Variants in SNIP1 observed in about 807,000 individuals in gnomAD.
The protein encoded by SNIP1 is smad nuclear-interacting protein 1.
Under a neutral mutation model 37.4 loss-of-function variants are expected in SNIP1, and 23 were observed. The ratio of observed to expected loss-of-function variants is 0.61; its 90% CI spans 0.44 to 0.87. SNIP1 has a LOEUF of 0.87. SNIP1 is among the 40% of genes least tolerant of loss of function. The probability of loss-of-function intolerance (pLI) is 0.00; values close to 1 mark genes in which losing one functional copy is unlikely to be tolerated. For missense variants in SNIP1, 459 were observed against 540.4 expected, an observed-to-expected ratio of 0.85 and a Z score of 1.49; for synonymous variants, 174 against 200.0, an observed-to-expected ratio of 0.87 and a Z score of 1.10.
chr1:37,545,124 A>G, intron 2 of SNIP1: 1 of 739,990 alleles, frequency 1.4e-6, no homozygotes, highest in Non-Finnish European at 2.5e-6. Context: ...GCCACCGACA[A>G]AATTACCCCC....
chr1:37,539,573 G>A (rs866662203), intron 3 of SNIP1, among the ~76,000 whole-genome samples: 29 of 152,196 alleles, frequency 1.9e-4, no homozygotes, highest in African/African-American at 6.8e-4. Context: ...AGCTGGGTGT[G>A]CTGGTGTGTG....
At position 37,540,268 on chromosome 1, in the gene SNIP1, A is replaced by C. The variant is rs748921035; in HGVS notation, c.815T>G (p.Val272Gly). 6.2e-7 allele frequency: 1 copy of C among 1,614,184 alleles called. No individual in the cohort carries two copies. Among genetic ancestry groups the C allele is most frequent in the Middle Eastern group, 1.6e-4 (1 of 6,062 alleles). The stretch of plus-strand genomic sequence containing the variant: ...CGCACTCTGTCGATGTATGTACATG[A>C]CTGGAAGCACCTCATCATTTTTAAA... ...YPFKNDEVLP[V>G]MYIHRQSAYL... The change falls in exon 3 of 4, where the codon GTC becomes GGC. Residue 272 changes from valine (V) to glycine (G), a missense_variant. Val to Gly is a moderately radical substitution (Grantham distance 109). Coordinates refer to ENST00000296215, the MANE Select transcript of SNIP1 (RefSeq NM_024700.4). This position sits in a 1 kb window ranked among gnomAD's most constrained non-coding sequence, Gnocchi z 5.6.
chr1:37,538,038 T>G (rs1234544573), intron 3 of SNIP1, 26 bp from the exon 4 acceptor site: 7 of 1,560,286 alleles, frequency 4.5e-6, no homozygotes, highest in African/African-American at 1.4e-5. Flanking sequence ...GAGAAACCTG[T>G]GAGCAAACTT....
rs570133883 is a variant in SNIP1, at chr1:37,534,693, A to G, written c.*3055T>C. ...TGCACTTAATGAGTCATCCTTTGTC[A>G]ATATTAGAATGAGGGAACCAGGATA... On this transcript the variant is annotated 3_prime_UTR_variant, in exon 4 of 4. Coordinates refer to ENST00000296215, the MANE Select transcript of SNIP1 (RefSeq NM_024700.4). The G allele has an allele frequency of 2.0e-5, 3 of 152,316 alleles. No individual in the cohort carries two copies. In the South Asian group the frequency reaches 6.2e-4, roughly 32 times the overall value. The allele number at this position is 152,316 out of a possible 1,614,324, so 9.4% of individuals were successfully genotyped here.
intron 2 of SNIP1, among the ~76,000 whole-genome samples, chr1:37,542,270 C>G (rs1643183839): frequency 2.0e-5 from 3 of 152,318 alleles, no homozygotes; most frequent in Admixed American, 2.0e-4. Context: ...GATTCACGTT[C>G]CTGGTGGGAC....
At chr1:37,547,588 G>T (rs1040248380) in intron 2 of SNIP1, among the ~76,000 whole-genome samples, 20 of 151,406 alleles carry the variant, frequency 1.3e-4, no homozygotes, top group Non-Finnish European at 2.8e-4. Context: ...ACAAAAATTA[G>T]CCGGGCATGG....
intron 2 of SNIP1, chr1:37,545,217 C>T (rs989285776): frequency 4.4e-6 from 3 of 674,180 alleles, no homozygotes; most frequent in Non-Finnish European, 8.3e-6. Flanking sequence ...GACCAACTTG[C>T]GCAAGATGAG....
intron 2 of SNIP1, among the ~76,000 whole-genome samples, chr1:37,551,789 G>A (rs6426023): frequency 0.4 from 61,431 of 151,884 alleles, 13,367 homozygotes; most frequent in East Asian, 0.58. Context: ...GTGGCCCTAG[G>A]TAAACTAATA....
chr1:37,551,769 T>G (rs1643304584), intron 2 of SNIP1, among the ~76,000 whole-genome samples: 1 of 152,208 alleles, frequency 6.6e-6, no homozygotes, highest in Non-Finnish European at 1.5e-5. Context: ...CTCTATGGTA[T>G]TTCATTATGG....
intron 2 of SNIP1, 41 bp downstream of exon 2, chr1:37,552,604 G>A (rs368696720): frequency 2.0e-6 from 3 of 1,478,174 alleles, no homozygotes; most frequent in African/African-American, 2.8e-5. Context: ...ATAGGAAAAG[G>A]CTCTCAATTT....
chr1:37,540,739 G>C lies in SNIP1; in HGVS notation c.344C>G (p.Pro115Arg). ...CTGCCGATCCTCCCGTCCTCTCCGG[G>C]GATGATCCTCACGCTCCTAAAATTC... is the stretch of plus-strand genomic sequence containing the variant. ...VKVKQEREDH[P>R]RRGREDRQHR... The change falls in exon 3 of 4, where the codon CCC becomes CGC. Residue 115 changes from proline (P) to arginine (R), a missense_variant. Pro to Arg is a moderately radical substitution (Grantham distance 103). Coordinates refer to ENST00000296215, the MANE Select transcript of SNIP1 (RefSeq NM_024700.4). The surrounding 1 kb of genome is among the most constrained non-coding windows in gnomAD (Gnocchi z 5.6). The C allele has an allele frequency of 6.2e-7, 1 of 1,601,082 alleles. No homozygotes were observed. Among genetic ancestry groups the C allele is most frequent in the Non-Finnish European group, 8.5e-7 (1 of 1,171,728 alleles).
chr1:37,545,234 C>G, intron 2 of SNIP1: 1 of 661,902 alleles, frequency 1.5e-6, no homozygotes, highest in Non-Finnish European at 2.8e-6. Flanking sequence ...TGAGGGCACC[C>G]GAATCTGGCT....
chr1:37,546,159 C>T (rs1036547280), intron 2 of SNIP1, among the ~76,000 whole-genome samples: 4 of 115,820 alleles, frequency 3.5e-5, no homozygotes, highest in Non-Finnish European at 5.6e-5. Context: ...CCCCCCCCCC[C>T]GCTCCCTGCC....
chr1:37,537,889 A>G lies in SNIP1; in HGVS notation c.1050T>C (p.Tyr350=), dbSNP rs1381253341. ...NNKRIEPQRY[Y]ELKEKDVLKF... ...TGAGTACATCCTTTTCTTTTAGTTC[A>G]TAGTATCTCTGTGGCTCAATACGTT... Residue 350 remains tyrosine, a synonymous_variant, in exon 4 of 4, where the codon TAT becomes TAC. Transcript: ENST00000296215. 2 of 1,614,138 alleles carry G rather than the reference A, an allele frequency of 1.2e-6. No individual in the cohort carries two copies. The highest frequency in any genetic ancestry group is 1.3e-5 in the African/African-American group (1 of 75,036).
chr1:37,540,621 G>C lies in SNIP1; in HGVS notation c.462C>G (p.Asn154Lys). 1 of 1,614,010 alleles carries C rather than the reference G, an allele frequency of 6.2e-7. No homozygotes were observed. The highest frequency in any genetic ancestry group is 8.5e-7 in the Non-Finnish European group (1 of 1,179,988). The change falls in exon 3 of 4, where the codon AAC becomes AAG. Residue 154 changes from asparagine to lysine, a missense_variant. By Grantham distance (94) the Asn-to-Lys change is moderately conservative (BLOSUM62 0). Transcript: ENST00000296215. The surrounding 1 kb of genome is among the most constrained non-coding windows in gnomAD (Gnocchi z 5.6). ...RGHSHQRRTSNERPGSGQGQG... is the reference protein window; with the variant it reads ...RGHSHQRRTSKERPGSGQGQG... The stretch of plus-strand genomic sequence containing the variant: ...GACCCTGCCCACTCCCAGGCCTCTC[G>C]TTAGACGTTCTCCTTTGGTGGGAAT...
At chr1:37,545,363 C>A (rs983509962) in intron 2 of SNIP1, 5 of 520,714 alleles carry the variant, frequency 9.6e-6, no homozygotes, top group Non-Finnish European at 1.9e-5. Context: ...GCAGTGCATG[C>A]ATGTTGGGGT....
chr1:37,538,826 C>T lies in SNIP1; in HGVS notation c.927-814G>A, dbSNP rs188612619. On this transcript the variant is annotated intron_variant, in intron 3 of 3. Transcript: ENST00000296215. Reference sequence around the variant, plus strand: ...TACCAGTCCGTGGCCTGTTAGGAACCGGACCACACAGCAAGAGGTGAGCAG... The same window carrying T: ...TACCAGTCCGTGGCCTGTTAGGAACTGGACCACACAGCAAGAGGTGAGCAG... 5.7e-4 allele frequency among the ~76,000 whole-genome samples: 87 copies of T among 152,112 alleles called. 1 individual carries two copies. Among genetic ancestry groups the T allele is most frequent in the Admixed American group, 2.5e-3 (38 of 15,252 alleles).
chr1:37,543,865 G>A (rs530381505), intron 2 of SNIP1, among the ~76,000 whole-genome samples: 1 of 152,116 alleles, frequency 6.6e-6, no homozygotes, highest in Admixed American at 6.5e-5. Flanking sequence ...TATAGGCTGG[G>A]CATGGTGGCT....
chr1:37,540,203 T>C lies in SNIP1; in HGVS notation c.880A>G (p.Ile294Val), dbSNP rs760446970. 8.1e-6 allele frequency: 13 copies of C among 1,606,720 alleles called. No homozygotes were observed. The highest frequency in any genetic ancestry group is 2.2e-5 in the East Asian group (1 of 44,672). Residue 294 changes from isoleucine to valine, a missense_variant, in exon 3 of 4, where the codon ATT becomes GTT. Transcript: ENST00000296215. This position sits in a 1 kb window ranked among gnomAD's most constrained non-coding sequence, Gnocchi z 5.6. ...GRHRRIADIP[I>V]DHPSCSKQHA... ...TGCTTTGAACAAGACGGGTGATCAA[T>C]TGGAATGTCTGCAATGCGGCGGTGT...
Sources: gnomAD v4.1 joint callset for allele counts (sites outside exome capture counted in the v4.1 genomes callset) on GRCh38, gnomAD v4.1.1 for gene constraint, Gnocchi (gnomAD v3.1) non-coding constraint, MANE v1.5 for transcripts, NCBI Gene and HGNC (gene_info 2026-07-23, HGNC 2026-07-21) for gene names.